Variants in NSD2 observed in about 807,000 individuals in gnomAD.
NSD2 encodes the protein histone-lysine N-methyltransferase NSD2.
In NSD2, 12 loss-of-function variants were observed where a neutral mutation model predicts 139.0. That is an observed-to-expected ratio of 0.09 (90% confidence interval 0.06 to 0.14). The LOEUF (loss-of-function observed/expected upper bound fraction) is 0.14, where lower values mean the gene tolerates loss of function less well. Ranked by LOEUF, NSD2 falls within the 10% of genes least tolerant of loss-of-function variation. The pLI is 1.00. For synonymous variants in NSD2, 669 were observed against 648.7 expected, an observed-to-expected ratio of 1.03 and a Z score of -0.48; for missense variants, 1,155 against 1,745.0, an observed-to-expected ratio of 0.66 and a Z score of 6.02.
chr4:1,941,964 C>T, intron 9 of NSD2: 5 of 1,087,828 alleles, frequency 4.6e-6, no homozygotes, highest in Non-Finnish European at 5.6e-6. Flanking sequence ...AGTTAGGTGA[C>T]CATGAGAATT....
At position 1,976,758 on chromosome 4, in the gene NSD2, G is replaced by A; in HGVS notation, c.3826+79G>A. The A allele has an allele frequency of 6.9e-7, 1 of 1,452,842 alleles. No homozygotes were observed. The highest frequency in any genetic ancestry group is 9.2e-7 in the Non-Finnish European group (1 of 1,083,474). 90.0% of individuals were successfully genotyped at this position (1,452,842 alleles called of 1,614,324 possible). The stretch of plus-strand genomic sequence containing the variant: ...GATGGCGGCTGCTGCCGCTCTTCCT[G>A]CTGACCGGGCCTCATCTGGGTGCAG... On this transcript the variant is annotated intron_variant, in intron 21 of 21. Coordinates refer to ENST00000508803, the MANE Select transcript of NSD2 (RefSeq NM_001042424.3). This position sits in a 1 kb window ranked among gnomAD's most constrained non-coding sequence, Gnocchi z 5.3.
At chr4:1,924,910 G>C (rs1224878367) in intron 5 of NSD2, among the ~76,000 whole-genome samples, 7 of 152,146 alleles carry the variant, frequency 4.6e-5, no homozygotes, top group African/African-American at 1.7e-4. Flanking sequence ...TTGGATGACA[G>C]AGCGAGACCC....
intron 3 of NSD2, among the ~76,000 whole-genome samples, chr4:1,905,003 G>T (rs1322736000): frequency 6.6e-6 from 1 of 151,960 alleles, no homozygotes; most frequent in African/African-American, 2.4e-5. Flanking sequence ...GGTGGTGCAC[G>T]CCTGTAATCC....
At chr4:1,960,966 G>A in intron 17 of NSD2, 69 bp from the exon 18 acceptor site, 2 of 1,273,526 alleles carry the variant, frequency 1.6e-6, no homozygotes, top group Non-Finnish European at 2.3e-6. Flanking sequence ...ATGATGGGGA[G>A]TCTTGAGCCC....
At chr4:1,925,389 C>CTTTT (rs34335852) in intron 5 of NSD2, among the ~76,000 whole-genome samples, 84 of 38,010 alleles carry the variant, frequency 2.2e-3, no homozygotes, top group Non-Finnish European at 2.4e-3. Context: ...CTTTTTCTTT[C>CTTTT]TTTTTTTTTT....
At chr4:1,943,919 A>G in intron 9 of NSD2, 1 of 1,063,954 alleles carries the variant, frequency 9.4e-7, no homozygotes, top group Non-Finnish European at 1.1e-6. Flanking sequence ...TAACTGATAG[A>G]TGCATTAGAA....
intron 6 of NSD2, among the ~76,000 whole-genome samples, chr4:1,932,606 C>T (rs537970674): frequency 3.9e-5 from 6 of 152,030 alleles, no homozygotes; most frequent in Admixed American, 1.3e-4. Flanking sequence ...ATTAGCCAGG[C>T]GTGGTGGCAC....
At chr4:1,938,416 CTTTTTT>C (rs746279426) in intron 7 of NSD2, 29 bp from the exon 8 acceptor site, 41 of 325,834 alleles carry the variant, frequency 1.3e-4, no homozygotes, top group Admixed American at 3.4e-4. Context: ...TTTTTTCTTT[CTTTTTT>C]TTTTTTTTTT....
At chr4:1,904,544 T>G (rs1717632377) in intron 3 of NSD2, among the ~76,000 whole-genome samples, 166 bp downstream of exon 3, 1 of 152,246 alleles carries the variant, frequency 6.6e-6, no homozygotes, top group Non-Finnish European at 1.5e-5. Context: ...CCATTTCTTT[T>G]TATATTCAAC....
intron 6 of NSD2, among the ~76,000 whole-genome samples, chr4:1,932,169 G>T (rs538271419): frequency 2.0e-5 from 3 of 152,260 alleles, no homozygotes; most frequent in South Asian, 2.1e-4. Context: ...GGGCACGGTG[G>T]CTCACACCTG....
At position 1,956,046 on chromosome 4, in the gene NSD2, C is replaced by T; in HGVS notation, c.2739C>T (p.His913=). ...NVPPNIQKMK[H]EIGEFPVFFF... is the part of the protein sequence containing the mutation. ...CCCCAAATATTCAGAAAATGAAGCA[C>T]GAGATTGGAGAATTCCCTGTGTTTT... The change falls in exon 15 of 22, where the codon CAC becomes CAT. Residue 913 remains histidine (H), a synonymous_variant. Transcript: ENST00000508803. The surrounding 1 kb of genome is among the most constrained non-coding windows in gnomAD (Gnocchi z 5.3). 5 of 1,613,982 alleles carry T rather than the reference C, an allele frequency of 3.1e-6. No individual in the cohort carries two copies. The highest frequency in any genetic ancestry group is 2.2e-5 in the East Asian group (1 of 44,888).
Position 1,945,079 on chromosome 4 carries a change from T to G in NSD2, c.1881+5301T>G, listed in dbSNP as rs773158001. On this transcript the variant is annotated intron_variant, in intron 9 of 21. Transcript: ENST00000508803. ...GGGGCTCCTCTGTCCCACTGCTGCT[T>G]CTTGAGTGGGTGGAGTGGTGCTTAG... 195 of 1,066,196 alleles carry G rather than the reference T, an allele frequency of 1.8e-4. 1 individual carries two copies. The highest frequency in any genetic ancestry group is 5.0e-4 in the South Asian group (11 of 21,968). The allele number at this position is 1,066,196 out of a possible 1,614,324, so 66.0% of individuals were successfully genotyped here.
At chr4:1,876,988 T>A (rs991250357) in intron 1 of NSD2, among the ~76,000 whole-genome samples, 1 of 151,614 alleles carries the variant, frequency 6.6e-6, no homozygotes, top group Non-Finnish European at 1.5e-5. Flanking sequence ...ATACAAAAAA[T>A]TAGCTGGGCG....
intron 21 of NSD2, among the ~76,000 whole-genome samples, chr4:1,978,242 C>G (rs1727323913): frequency 6.6e-6 from 1 of 152,206 alleles, no homozygotes; most frequent in Admixed American, 6.5e-5. Flanking sequence ...CGTGACAGAG[C>G]TTTTACAGAG....
intron 1 of NSD2, among the ~76,000 whole-genome samples, chr4:1,876,904 G>A (rs1163923821): frequency 6.6e-6 from 1 of 152,144 alleles, no homozygotes; most frequent in Non-Finnish European, 1.5e-5. Flanking sequence ...GGGAGGCCAA[G>A]GCAGGCAGAT....
intron 3 of NSD2, among the ~76,000 whole-genome samples, chr4:1,907,725 G>A (rs993627600): frequency 6.9e-6 from 1 of 144,878 alleles, no homozygotes; most frequent in Non-Finnish European, 1.5e-5. Flanking sequence ...CAATTCTCCT[G>A]CCTCAGTCTC....
In NSD2 at chr4:1,942,108, A is replaced by C. The variant is rs1577503779; in HGVS notation, c.1881+2330A>C. 3 of 1,250,852 alleles carry C rather than the reference A, an allele frequency of 2.4e-6. No homozygotes were observed. The East Asian group carries it at 1.0e-4, about 42-fold the overall frequency. The allele number at this position is 1,250,852 out of a possible 1,614,324, so 77.5% of individuals were successfully genotyped here. A position where few individuals can be genotyped will look rare whatever the true frequency, so the allele number is the denominator to read the frequency against. ...TTGGTATTTCAGAACACTTTAGGTC[A>C]TGTTGTAGTTTAAATTCTTCTTGAA... is the stretch of plus-strand genomic sequence containing the variant. On this transcript the variant is annotated intron_variant, in intron 9 of 21. Transcript: ENST00000508803. This position sits in a 1 kb window ranked among gnomAD's most constrained non-coding sequence, Gnocchi z 4.0.
At position 1,942,947 on chromosome 4, in the gene NSD2, A is replaced by T; in HGVS notation, c.1881+3169A>T. 9.5e-7 allele frequency: 1 copy of T among 1,053,434 alleles called. No homozygotes were observed. The highest frequency in any genetic ancestry group is 1.1e-6 in the Non-Finnish European group (1 of 871,854). The allele number at this position is 1,053,434 out of a possible 1,614,324, so 65.3% of individuals were successfully genotyped here. On this transcript the variant is annotated intron_variant, in intron 9 of 21. Coordinates refer to ENST00000508803, the MANE Select transcript of NSD2 (RefSeq NM_001042424.3). This position sits in a 1 kb window ranked among gnomAD's most constrained non-coding sequence, Gnocchi z 4.0. The stretch of plus-strand genomic sequence containing the variant: ...CTATCCTTTTTTACTAAACAGTTTT[A>T]TTATGACACTAGATACAGTAAATTT...
intron 5 of NSD2, among the ~76,000 whole-genome samples, chr4:1,924,220 A>G (rs78685951): frequency 6.6e-6 from 1 of 152,196 alleles, no homozygotes; most frequent in Non-Finnish European, 1.5e-5. Context: ...CAATGTGTGT[A>G]CAGCCACCGT....
Sources: allele counts gnomAD v4.1 joint callset (sites outside exome capture counted in the v4.1 genomes callset), GRCh38; gene constraint gnomAD v4.1.1; non-coding constraint Gnocchi (gnomAD v3.1); transcripts MANE v1.5; gene names NCBI Gene and HGNC (gene_info 2026-07-23, HGNC 2026-07-21).